GAS2: variants seen among roughly 807,000 people sequenced by gnomAD.
The protein encoded by GAS2 is growth arrest-specific protein 2.
In GAS2, 20 loss-of-function variants were observed where a neutral mutation model predicts 37.5. The observed-to-expected ratio is 0.53, with a 90% CI of 0.37 to 0.77. The LOEUF (loss-of-function observed/expected upper bound fraction) is 0.77. GAS2 is among the 30% of genes least tolerant of loss of function. The pLI, the probability that GAS2 is intolerant of heterozygous loss-of-function variation, is 0.00. For missense variants in GAS2, 336 were observed against 373.4 expected, an observed-to-expected ratio of 0.90 and a Z score of 0.82; for synonymous variants, 144 against 132.2, an observed-to-expected ratio of 1.09 and a Z score of -0.61.
At chr11:22,765,235 C>T (rs1854623931) in intron 7 of GAS2, among the ~76,000 whole-genome samples, 1 of 151,990 alleles carries the variant, frequency 6.6e-6, no homozygotes, top group South Asian at 2.1e-4. Flanking sequence ...GATAGACACA[C>T]ACCTCCATAC....
At chr11:22,800,062 C>A (rs1413833961) in intron 7 of GAS2, among the ~76,000 whole-genome samples, 1 of 152,000 alleles carries the variant, frequency 6.6e-6, no homozygotes, top group Non-Finnish European at 1.5e-5. Context: ...TGGGCCTGGG[C>A]TCAGAAGGTA....
At position 22,726,409 on chromosome 11, in the gene GAS2, T is replaced by C; in HGVS notation, c.385T>C (p.Cys129Arg). The C allele has an allele frequency of 1.2e-6, 2 of 1,612,064 alleles. No individual in the cohort carries two copies. The highest frequency in any genetic ancestry group is 1.7e-6 in the Non-Finnish European group (2 of 1,179,088). The change falls in exon 4 of 8, where the codon TGT becomes CGT. Residue 129 changes from cysteine (C) to arginine (R), a missense_variant. By Grantham distance (180) the Cys-to-Arg change is radical. Coordinates refer to ENST00000454584, the MANE Select transcript of GAS2 (RefSeq NM_001143830.3). The stretch of plus-strand genomic sequence containing the variant: ...CCGAGATTTAGGGGTGGATGAAACG[T>C]GTCTATTTGAATCGGAAGGTTTGGG... ...WCRDLGVDET[C>R]LFESEGLVLH...
At chr11:22,694,500 C>T (rs1163432180) in intron 3 of GAS2, among the ~76,000 whole-genome samples, 2 of 152,146 alleles carry the variant, frequency 1.3e-5, no homozygotes, top group South Asian at 2.1e-4. Flanking sequence ...AAAAATAGAG[C>T]CACTTGGGTC....
At chr11:22,714,937 G>T (rs1355720811) in intron 3 of GAS2, among the ~76,000 whole-genome samples, 1 of 152,114 alleles carries the variant, frequency 6.6e-6, no homozygotes, top group Non-Finnish European at 1.5e-5. Flanking sequence ...GACAATCTAT[G>T]CTCACACCTC....
At chr11:22,688,951 T>C (rs1850101936) in intron 3 of GAS2, among the ~76,000 whole-genome samples, 1 of 152,146 alleles carries the variant, frequency 6.6e-6, no homozygotes, top group Non-Finnish European at 1.5e-5. Flanking sequence ...TGGAATACCT[T>C]GCAGCCATAA....
chr11:22,695,799 A>G (rs1209031586), intron 3 of GAS2, among the ~76,000 whole-genome samples: 1 of 152,198 alleles, frequency 6.6e-6, no homozygotes, highest in Non-Finnish European at 1.5e-5. Flanking sequence ...CAAAATTTGT[A>G]ATATTCACCA....
chr11:22,658,767 A>G (rs1848883416), intron 1 of GAS2, among the ~76,000 whole-genome samples: 1 of 152,162 alleles, frequency 6.6e-6, no homozygotes, highest in South Asian at 2.1e-4. Flanking sequence ...AGAAAAGAAT[A>G]ACCACTCGAA....
chr11:22,696,302 A>C lies in GAS2; in HGVS notation c.267+10513A>C, dbSNP rs983741115. Among the ~76,000 whole-genome samples, 32 of 152,002 alleles carry C rather than the reference A, an allele frequency of 2.1e-4. 1 individual carries two copies. The highest frequency in any genetic ancestry group is 7.5e-4 in the African/African-American group (31 of 41,410). On this transcript the variant is annotated intron_variant, in intron 3 of 7. Coordinates refer to ENST00000454584, the MANE Select transcript of GAS2 (RefSeq NM_001143830.3). ...ATTTTTTATGGCTGCATAGTATTCC[A>C]TGGTGTATATGTGCCACATTTTCTT...
In GAS2 at chr11:22,657,201, T is replaced by C. The variant is rs142348867; in HGVS notation, c.-20-17649T>C. Among the ~76,000 whole-genome samples the C allele has an allele frequency of 2.6e-3, 399 of 152,286 alleles. 3 individuals carry two copies. The highest frequency in any genetic ancestry group is 9.3e-3 in the African/African-American group (386 of 41,564). Reference sequence around the variant, plus strand: ...TGGGGTACAACATATTGACACCTGATAGTTAAAAGGTAGGACTCTTTGTTA... The same window carrying C: ...TGGGGTACAACATATTGACACCTGACAGTTAAAAGGTAGGACTCTTTGTTA... On this transcript the variant is annotated intron_variant, in intron 1 of 5. Coordinates refer to the GAS2 transcript ENST00000528582.
At chr11:22,774,854 G>T (rs1855170598) in intron 7 of GAS2, among the ~76,000 whole-genome samples, 1 of 151,824 alleles carries the variant, frequency 6.6e-6, no homozygotes, top group Non-Finnish European at 1.5e-5. Context: ...GAGACTCAAA[G>T]AATAAGCACA....
chr11:22,792,053 T>C (rs1478349459), intron 7 of GAS2, among the ~76,000 whole-genome samples: 1 of 152,196 alleles, frequency 6.6e-6, no homozygotes, highest in Non-Finnish European at 1.5e-5. Flanking sequence ...ATACTAAAGA[T>C]ATTTGTGCAA....
intron 2 of GAS2, among the ~76,000 whole-genome samples, chr11:22,681,425 C>T (rs556832241): frequency 3.3e-5 from 5 of 152,180 alleles, no homozygotes; most frequent in African/African-American, 7.2e-5. Context: ...ATTAATCATG[C>T]GAAGATCAAA....
intron 6 of GAS2, among the ~76,000 whole-genome samples, chr11:22,751,205 A>G (rs1268722929): frequency 6.6e-6 from 1 of 151,916 alleles, no homozygotes; most frequent in Non-Finnish European, 1.5e-5. Flanking sequence ...TGTCTGCTGC[A>G]TTAGTCCCTG....
intron 4 of GAS2, among the ~76,000 whole-genome samples, chr11:22,737,358 G>A (rs755830110): frequency 2.0e-5 from 3 of 152,050 alleles, no homozygotes; most frequent in Non-Finnish European, 2.9e-5. Context: ...TTATTGACAG[G>A]TATCATAATT....
intron 7 of GAS2, among the ~76,000 whole-genome samples, chr11:22,804,448 A>G (rs1308641195): frequency 1.3e-5 from 2 of 152,108 alleles, no homozygotes; most frequent in African/African-American, 4.8e-5. Flanking sequence ...CATATATTGT[A>G]TTTGATACAT....
intron 1 of GAS2, among the ~76,000 whole-genome samples, chr11:22,632,743 G>A (rs188304217): frequency 6.2e-4 from 93 of 150,300 alleles, no homozygotes; most frequent in African/African-American, 1.8e-3. Context: ...GATTTTATTC[G>A]TTTCTTTTCA....
chr11:22,795,488 C>T (rs1856383248), intron 7 of GAS2, among the ~76,000 whole-genome samples: 1 of 151,996 alleles, frequency 6.6e-6, no homozygotes. Flanking sequence ...TTAGCAAGGG[C>T]ATGAAGGAGG....
At chr11:22,700,682 A>T (rs1312286993) in intron 3 of GAS2, among the ~76,000 whole-genome samples, 1 of 152,204 alleles carries the variant, frequency 6.6e-6, no homozygotes, top group Non-Finnish European at 1.5e-5. Flanking sequence ...TATGATAAAA[A>T]TGAGCATATT....
rs1443698184 is a variant in GAS2 at position 22,697,785 on chromosome 11, C to G, written c.267+11996C>G. Among the ~76,000 whole-genome samples the G allele has an allele frequency of 2.0e-5, 3 of 152,110 alleles. 1 individual carries two copies. The highest frequency in any genetic ancestry group is 1.3e-4 in the Admixed American group (2 of 15,256). On this transcript the variant is annotated intron_variant, in intron 3 of 7. Transcript: ENST00000454584. ...TATAAGAATGCTTGTGATTTTTGTA[C>G]ATTGATTTTGTATCCTGAGACTTTG...
Sources: allele counts gnomAD v4.1 joint callset (sites outside exome capture counted in the v4.1 genomes callset), GRCh38; gene constraint gnomAD v4.1.1; transcripts MANE v1.5; gene names NCBI Gene and HGNC (gene_info 2026-07-23, HGNC 2026-07-21).